The following GRM7 variants were observed in gnomAD, a reference collection of about 807,000 sequenced individuals.
GRM7 encodes metabotropic glutamate receptor 7.
A neutral mutation model predicts 84.5 loss-of-function variants in GRM7; 35 were observed. That is an observed-to-expected ratio of 0.41 (90% CI 0.32 to 0.55). GRM7 has a LOEUF of 0.55. Ranked by LOEUF, GRM7 falls within the 20% of genes least tolerant of loss-of-function variation. The pLI, the probability that GRM7 is intolerant of heterozygous loss-of-function variation, is 0.19. For synonymous variants in GRM7, 487 were observed against 455.1 expected (o/e 1.07, Z -0.89); for missense variants, 1,003 against 1,194.6 (o/e 0.84, Z 2.36).
At chr3:7,126,372 G>C (rs1280555722) in intron 1 of GRM7, among the ~76,000 whole-genome samples, 2 of 152,184 alleles carry the variant, frequency 1.3e-5, no homozygotes, top group African/African-American at 2.4e-5. Context: ...CTCAGGCATA[G>C]AGCAGTACAT....
chr3:7,526,107 CT>C (rs1489179583), intron 7 of GRM7, among the ~76,000 whole-genome samples: 5 of 152,106 alleles, frequency 3.3e-5, no homozygotes, highest in African/African-American at 1.2e-4. Context: ...ATCTTTAGTT[CT>C]TTGAGAAATC....
chr3:7,412,524 C>T (rs971767715), intron 4 of GRM7, among the ~76,000 whole-genome samples: 1 of 152,154 alleles, frequency 6.6e-6, no homozygotes, highest in South Asian at 2.1e-4. Context: ...GTTTTGCAGT[C>T]TCTTGTCTCA....
At chr3:7,398,727 C>CA (rs1695322254) in intron 4 of GRM7, among the ~76,000 whole-genome samples, 1 of 151,858 alleles carries the variant, frequency 6.6e-6, no homozygotes, top group Non-Finnish European at 1.5e-5. Flanking sequence ...TTGATTTGTT[C>CA]AAAAATTAAG....
At chr3:7,532,229 T>A (rs891815207) in intron 7 of GRM7, among the ~76,000 whole-genome samples, 1 of 152,188 alleles carries the variant, frequency 6.6e-6, no homozygotes, top group African/African-American at 2.4e-5. Flanking sequence ...GTAGAATTAA[T>A]TCGGCTGTGA....
intron 8 of GRM7, among the ~76,000 whole-genome samples, chr3:7,643,880 A>T (rs1267735435): frequency 3.9e-5 from 6 of 151,984 alleles, no homozygotes; most frequent in African/African-American, 1.4e-4. Context: ...TTCCCTTAAC[A>T]TGTCTTTTGT....
chr3:6,877,842 CACACACACA>C (rs1695370217), intron 1 of GRM7, among the ~76,000 whole-genome samples: 1 of 144,304 alleles, frequency 6.9e-6, no homozygotes, highest in African/African-American at 2.6e-5. Context: ...CACACACACA[CACACACACA>C]CATATGACTT....
chr3:7,094,981 C>CTTTT (rs543764636), intron 1 of GRM7, among the ~76,000 whole-genome samples: 1 of 143,992 alleles, frequency 6.9e-6, no homozygotes, highest in African/African-American at 2.5e-5. Context: ...GGCTGATAGA[C>CTTTT]TTTTTTTTTT....
chr3:7,239,970 CTAAGAG>C (rs531543737), intron 2 of GRM7, among the ~76,000 whole-genome samples: 1 of 152,000 alleles, frequency 6.6e-6, no homozygotes, highest in Non-Finnish European at 1.5e-5. Flanking sequence ...AAAAAGCATC[CTAAGAG>C]TAAAAGGACT....
chr3:7,617,532 C>T (rs1359010830), intron 8 of GRM7, among the ~76,000 whole-genome samples: 1 of 151,698 alleles, frequency 6.6e-6, no homozygotes, highest in Non-Finnish European at 1.5e-5. Context: ...AAACAATAAC[C>T]CAGAAGCCAT....
intron 4 of GRM7, among the ~76,000 whole-genome samples, chr3:7,386,258 A>C (rs1381174654): frequency 6.6e-6 from 1 of 152,192 alleles, no homozygotes; most frequent in Non-Finnish European, 1.5e-5. Flanking sequence ...TTCAATTTTT[A>C]AAGTTCTTTT....
chr3:6,878,378 C>CTTGTGTGTGT (rs58886076), intron 1 of GRM7, among the ~76,000 whole-genome samples: 1 of 141,968 alleles, frequency 7.0e-6, no homozygotes, highest in African/African-American at 2.6e-5. Context: ...TATGTGTTTG[C>CTTGTGTGTGT]GTGTGTGTGT....
In GRM7 at chr3:6,915,149, A is replaced by T. The variant is rs535246973; in HGVS notation, c.519+53242A>T. Among the ~76,000 whole-genome samples the T allele has an allele frequency of 4.6e-5, 7 of 151,620 alleles. No homozygotes were observed. The East Asian group carries it at 1.2e-3, about 25-fold the overall frequency. On this transcript the variant is annotated intron_variant, in intron 1 of 9. Coordinates refer to ENST00000357716, the MANE Select transcript of GRM7 (RefSeq NM_000844.4). ...TATAAATGTATTCTTAAACATATGTAATAAAGAGTCACGCTTTTATGATTT... is the reference window on the plus strand; with the variant it reads ...TATAAATGTATTCTTAAACATATGTTATAAAGAGTCACGCTTTTATGATTT...
chr3:7,002,910 A>T (rs1695065646), intron 1 of GRM7, among the ~76,000 whole-genome samples: 1 of 152,196 alleles, frequency 6.6e-6, no homozygotes, highest in African/African-American at 2.4e-5. Flanking sequence ...ACAGCCTTAA[A>T]AAAGAAGAAA....
At chr3:7,635,259 A>C (rs1190014582) in intron 8 of GRM7, among the ~76,000 whole-genome samples, 43 of 152,264 alleles carry the variant, frequency 2.8e-4, no homozygotes, top group Non-Finnish European at 1.5e-5. Context: ...AATAACTACC[A>C]GAGAGTAGAT....
chr3:7,454,581 A>G (rs997059842), intron 6 of GRM7, among the ~76,000 whole-genome samples: 3 of 152,204 alleles, frequency 2.0e-5, no homozygotes, highest in African/African-American at 7.2e-5. Flanking sequence ...CACATATATT[A>G]GACAATATCT....
chr3:7,270,687 G>A (rs1698821921), intron 2 of GRM7, among the ~76,000 whole-genome samples: 1 of 152,068 alleles, frequency 6.6e-6, no homozygotes, highest in African/African-American at 2.4e-5. Context: ...ACGGATGCTC[G>A]CCACTTGCAG....
intron 4 of GRM7, among the ~76,000 whole-genome samples, chr3:7,341,399 A>T (rs1387504308): frequency 6.6e-6 from 1 of 151,942 alleles, no homozygotes; most frequent in East Asian, 1.9e-4. Context: ...TTTAGCAAAC[A>T]TTTATTCAAT....
chr3:7,263,510 C>T (rs757343721), intron 2 of GRM7, among the ~76,000 whole-genome samples: 8 of 152,164 alleles, frequency 5.3e-5, no homozygotes, highest in Non-Finnish European at 1.2e-4. Flanking sequence ...GCATTTGCAG[C>T]AGTGTTGGTG....
At chr3:7,646,886 A>C (rs1379048713) in intron 8 of GRM7, among the ~76,000 whole-genome samples, 2 of 152,170 alleles carry the variant, frequency 1.3e-5, no homozygotes, top group Admixed American at 6.5e-5. Context: ...GTAGCCATGT[A>C]AAGTCTGTAT....
Sources: gnomAD v4.1 joint callset for allele counts (sites outside exome capture counted in the v4.1 genomes callset) on GRCh38, gnomAD v4.1.1 for gene constraint, MANE v1.5 for transcripts, NCBI Gene and HGNC (gene_info 2026-07-23, HGNC 2026-07-21) for gene names.